Variants in MYH14 observed in about 807,000 individuals in gnomAD.
MYH14 encodes the protein myosin heavy chain 14.
A neutral mutation model predicts 255.5 loss-of-function variants in MYH14; 123 were observed. The ratio of observed to expected loss-of-function variants is 0.48; its 90% CI spans 0.42 to 0.56. MYH14 has a LOEUF of 0.56. Among genes scored for constraint, MYH14 ranks in the 20% least tolerant of loss-of-function variants. The pLI is 0.00. For missense variants in MYH14, 2,423 were observed against 2,802.3 expected, an observed-to-expected ratio of 0.86 and a Z score of 3.06; for synonymous variants, 1,095 against 1,161.2, an observed-to-expected ratio of 0.94 and a Z score of 1.16.
At position 50,308,851 on chromosome 19, in the gene MYH14, AT is replaced by A; in HGVS notation, c.5788-151del. On this transcript the variant is annotated intron_variant, in intron 41 of 42. Transcript: ENST00000642316. ...GTCAGGGTAGAGGCTGGCATGAGGG[AT>A]TTAGGAGAAAAGAACAAGGCCTAAA... The A allele has an allele frequency of 5.3e-6, 4 of 750,962 alleles. No homozygotes were observed. In the East Asian group the frequency reaches 1.1e-4, roughly 20 times the overall value. The allele number at this position is 750,962 out of a possible 1,614,324, so 46.5% of individuals were successfully genotyped here. A position where few individuals can be genotyped will look rare whatever the true frequency, so the allele number is the denominator to read the frequency against.
In MYH14 at chr19:50,280,034, C is replaced by T. The variant is rs755427772; in HGVS notation, c.4033-3C>T. 1 of 1,603,942 alleles carries T rather than the reference C, an allele frequency of 6.2e-7. No individual in the cohort carries two copies. ...GGGCTTCATTCCCGTCCCTTCCCTG[C>T]AGGCTGAACTGGAGAATGTGTCTGG... On this transcript the variant is annotated splice_region_variant and splice_polypyrimidine_tract_variant and intron_variant, in intron 30 of 42. Coordinates refer to ENST00000642316, the MANE Select transcript of MYH14 (RefSeq NM_001145809.2). The surrounding 1 kb of genome is among the most constrained non-coding windows in gnomAD (Gnocchi z 4.8).
intron 16 of MYH14, among the ~76,000 whole-genome samples, chr19:50,254,896 TGGC>T (rs1306263195): frequency 1.3e-5 from 2 of 152,216 alleles, no homozygotes; most frequent in Non-Finnish European, 2.9e-5. Context: ...TTGAGCTTCC[TGGC>T]AGCCAGAGCA....
At chr19:50,237,143 A>G (rs1220969337) in intron 10 of MYH14, among the ~76,000 whole-genome samples, 1 of 152,122 alleles carries the variant, frequency 6.6e-6, no homozygotes, top group Non-Finnish European at 1.5e-5. Flanking sequence ...TTTATTGCTG[A>G]ATAATTTTTA....
At chr19:50,220,158 C>T (rs4801820) in intron 3 of MYH14, among the ~76,000 whole-genome samples, 1 of 151,904 alleles carries the variant, frequency 6.6e-6, no homozygotes, top group South Asian at 2.1e-4. Flanking sequence ...CCGTCCCGCA[C>T]CCCAGCCTCA....
intron 18 of MYH14, 66 bp from the exon 19 acceptor site, chr19:50,259,078 A>G: frequency 6.6e-7 from 1 of 1,516,590 alleles, no homozygotes; most frequent in South Asian, 1.2e-5. Context: ...GAAATTGCCA[A>G]GCTTGACCGT....
At chr19:50,209,983 A>C (rs1211362574) in intron 1 of MYH14, among the ~76,000 whole-genome samples, 1 of 149,794 alleles carries the variant, frequency 6.7e-6, no homozygotes, top group Non-Finnish European at 1.5e-5. Context: ...CTGTAATCCC[A>C]GCTACTTGGG....
chr19:50,308,813 G>C, intron 41 of MYH14, 192 bp from the exon 42 acceptor site: 1 of 609,926 alleles, frequency 1.6e-6, no homozygotes, highest in South Asian at 2.3e-5. Context: ...AACCTGGAGG[G>C]GAGAGACTGG....
intron 8 of MYH14, 106 bp downstream of exon 8, chr19:50,227,072 C>T: frequency 1.2e-6 from 1 of 852,280 alleles, no homozygotes; most frequent in Non-Finnish European, 1.9e-6. Context: ...ACCTGCTACT[C>T]AGATGGGACC....
In MYH14 at chr19:50,298,818, A is replaced by G. The variant is rs554906235; in HGVS notation, c.5470-2843A>G. Among the ~76,000 whole-genome samples, 1,140 of 152,278 alleles carry G rather than the reference A, an allele frequency of 7.5e-3. 9 individuals carry two copies. The highest frequency in any genetic ancestry group is 0.013 in the Non-Finnish European group (853 of 68,010). ...ACAGAAAGATCGGGTGCAGTGGCTC[A>G]TGCCTGTAATCCCAGCACTTTGGGA... is the stretch of plus-strand genomic sequence containing the variant. On this transcript the variant is annotated intron_variant, in intron 39 of 42. Transcript: ENST00000642316.
rs2035724844 is a variant in MYH14 at position 50,281,653 on chromosome 19, G to A, written c.4350G>A (p.Glu1450=). The change falls in exon 33 of 43, where the codon GAG becomes GAA. Residue 1450 remains glutamate (E), a synonymous_variant. Coordinates refer to ENST00000642316, the MANE Select transcript of MYH14 (RefSeq NM_001145809.2). The part of the protein sequence containing the change: ...EEAGALEAGE[E]ARRRAAREAE... ...CAGGGGCACTGGAGGCAGGGGAGGA[G>A]GCACGGCGCCGGGCAGCCCGGGAGG... 2 of 1,607,860 alleles carry A rather than the reference G, an allele frequency of 1.2e-6. No individual in the cohort carries two copies. The highest frequency in any genetic ancestry group is 1.3e-5 in the African/African-American group (1 of 74,798).
chr19:50,263,550 A>C, intron 22 of MYH14, 130 bp downstream of exon 22: 2 of 522,658 alleles, frequency 3.8e-6, no homozygotes. Flanking sequence ...CAGTCGGCCC[A>C]GGCTTTGCTA....
At chr19:50,206,551 G>C (rs370861521) in intron 1 of MYH14, among the ~76,000 whole-genome samples, 2 of 152,112 alleles carry the variant, frequency 1.3e-5, no homozygotes, top group East Asian at 1.9e-4. Flanking sequence ...GCTGCCTTCA[G>C]AGTGCAAGGG....
At chr19:50,295,516 C>T (rs529120913) in intron 39 of MYH14, among the ~76,000 whole-genome samples, 5 of 151,472 alleles carry the variant, frequency 3.3e-5, no homozygotes, top group South Asian at 2.1e-4. Context: ...AAAGAAATTA[C>T]GTTTAGTGGG....
At position 50,230,408 on chromosome 19, in the gene MYH14, C is replaced by A; in HGVS notation, c.875-117C>A. 3 of 878,158 alleles carry A rather than the reference C, an allele frequency of 3.4e-6. No individual in the cohort carries two copies. Among genetic ancestry groups the A allele is most frequent in the East Asian group, 5.3e-5 (2 of 37,452 alleles). The allele number at this position is 878,158 out of a possible 1,614,324, so 54.4% of individuals were successfully genotyped here. ...CAAAGTCACCAGCCTGGGCTGTGAG[C>A]GACTCCACTACACCACAGGAGAGAA... On this transcript the variant is annotated intron_variant, in intron 8 of 42. Transcript: ENST00000642316. The surrounding 1 kb of genome is among the most constrained non-coding windows in gnomAD (Gnocchi z 4.7).
At chr19:50,243,605 G>A (rs2033978571) in intron 10 of MYH14, among the ~76,000 whole-genome samples, 1 of 152,186 alleles carries the variant, frequency 6.6e-6, no homozygotes, top group Non-Finnish European at 1.5e-5. Context: ...ACCTGCCTGG[G>A]CAACAGAGCA....
rs955536890 is a variant in MYH14, at chr19:50,248,854, T to C, written c.1330-133T>C. On this transcript the variant is annotated intron_variant, in intron 12 of 42. Coordinates refer to ENST00000642316, the MANE Select transcript of MYH14 (RefSeq NM_001145809.2). Reference sequence around the variant, plus strand: ...CTGTTGTTCATGGCATTGTTCTTGATGGTACTTACACTCAAGGAGCTGGGA... The same window carrying C: ...CTGTTGTTCATGGCATTGTTCTTGACGGTACTTACACTCAAGGAGCTGGGA... 7 of 781,236 alleles carry C rather than the reference T, an allele frequency of 9.0e-6. No individual in the cohort carries two copies. In the African/African-American group the frequency reaches 1.2e-4, roughly 13 times the overall value. 48.4% of individuals were successfully genotyped at this position (781,236 alleles called of 1,614,324 possible).
At position 50,230,731 on chromosome 19, in the gene MYH14, C is replaced by T; in HGVS notation, c.973+108C>T. 1 of 884,638 alleles carries T rather than the reference C, an allele frequency of 1.1e-6. No individual in the cohort carries two copies. The highest frequency in any genetic ancestry group is 1.8e-6 in the Non-Finnish European group (1 of 570,534). The allele number at this position is 884,638 out of a possible 1,614,324, so 54.8% of individuals were successfully genotyped here. A position where few individuals can be genotyped will look rare whatever the true frequency, so the allele number is the denominator to read the frequency against. The stretch of plus-strand genomic sequence containing the variant: ...AAGAGTGGGGGGCTCTAATATCCGT[C>T]AAACACCGACTTCGCATGAGGCTCC... On this transcript the variant is annotated intron_variant, in intron 9 of 42. Transcript: ENST00000642316. The surrounding 1 kb of genome is among the most constrained non-coding windows in gnomAD (Gnocchi z 4.7).
chr19:50,279,143 C>T (rs1244890437), intron 30 of MYH14, among the ~76,000 whole-genome samples: 3 of 152,066 alleles, frequency 2.0e-5, no homozygotes, highest in Non-Finnish European at 4.4e-5. Context: ...TCATCCCCCA[C>T]TTCTCCCCCA....
intron 30 of MYH14, among the ~76,000 whole-genome samples, chr19:50,279,402 G>A (rs1242677600): frequency 6.6e-6 from 1 of 152,132 alleles, no homozygotes; most frequent in Non-Finnish European, 1.5e-5. Context: ...CAGCGGAGGC[G>A]GGTGGGTCAC....
Sources: gnomAD v4.1 joint callset for allele counts (sites outside exome capture counted in the v4.1 genomes callset) on GRCh38, gnomAD v4.1.1 for gene constraint, Gnocchi (gnomAD v3.1) non-coding constraint, MANE v1.5 for transcripts, NCBI Gene and HGNC (gene_info 2026-07-23, HGNC 2026-07-21) for gene names.